CEP112: variants seen among roughly 807,000 people sequenced by gnomAD.
CEP112 encodes the protein centrosomal protein 112.
A neutral mutation model predicts 153.0 loss-of-function variants in CEP112; 127 were observed. That is an observed-to-expected ratio of 0.83 (90% CI 0.72 to 0.96). CEP112 has a LOEUF of 0.96. Ranked by LOEUF, CEP112 falls within the 40% of genes least tolerant of loss-of-function variation. The pLI is 0.00. For synonymous variants in CEP112, 358 were observed against 374.4 expected (o/e 0.96, Z 0.51); for missense variants, 1,089 against 1,101.2 (o/e 0.99, Z 0.16).
chr17:66,123,693 A>G (rs969964385), intron 6 of CEP112, among the ~76,000 whole-genome samples: 4 of 152,218 alleles, frequency 2.6e-5, no homozygotes, highest in African/African-American at 4.8e-5. Flanking sequence ...AAATTTCCCA[A>G]TGAAACCTAC....
intron 6 of CEP112, among the ~76,000 whole-genome samples, chr17:66,116,782 A>C (rs976011272): frequency 3.3e-5 from 5 of 151,968 alleles, no homozygotes; most frequent in African/African-American, 1.2e-4. Context: ...TTTGTTCTGG[A>C]ACCATACTTT....
chr17:65,697,569 G>A (rs1329254721), intron 23 of CEP112, among the ~76,000 whole-genome samples: 1 of 151,872 alleles, frequency 6.6e-6, no homozygotes, highest in Non-Finnish European at 1.5e-5. Context: ...AAACGACTAG[G>A]ACAAAGCAAG....
chr17:65,757,939 T>G (rs1311707475), intron 21 of CEP112, among the ~76,000 whole-genome samples: 2 of 152,166 alleles, frequency 1.3e-5, no homozygotes, highest in Non-Finnish European at 2.9e-5. Context: ...AAACACAATT[T>G]TTAAACAACT....
chr17:66,163,156 T>C (rs939530684), intron 4 of CEP112, among the ~76,000 whole-genome samples: 3 of 152,154 alleles, frequency 2.0e-5, no homozygotes, highest in African/African-American at 7.2e-5. Context: ...AACTGTAATA[T>C]ACTATTTATT....
Position 66,022,094 on chromosome 17 carries a change from C to A in CEP112, c.1656+5407G>T, listed in dbSNP as rs559786936. On this transcript the variant is annotated intron_variant, in intron 16 of 26. Coordinates refer to ENST00000535342, the MANE Select transcript of CEP112 (RefSeq NM_001199165.4). ...TCTCAGGAGGCTGTGAGCCTGCTTA[C>A]CTTCCAGGTACACCACTACTACAAC... 1.8e-4 allele frequency among the ~76,000 whole-genome samples: 28 copies of A among 152,250 alleles called. No homozygotes were observed. The South Asian group carries it at 3.9e-3, about 21-fold the overall frequency.
chr17:65,969,158 T>C (rs1432719171), intron 17 of CEP112, among the ~76,000 whole-genome samples: 1 of 149,894 alleles, frequency 6.7e-6, no homozygotes, highest in East Asian at 2.0e-4. Flanking sequence ...CTCGGCTAAC[T>C]ACAACCTCTG....
At chr17:66,021,116 G>C (rs1429727021) in intron 16 of CEP112, among the ~76,000 whole-genome samples, 6 of 152,146 alleles carry the variant, frequency 3.9e-5, no homozygotes, top group African/African-American at 1.4e-4. Context: ...ATAACTAGGA[G>C]AGAGGCCAGG....
At chr17:65,776,219 G>C (rs928606851) in intron 21 of CEP112, among the ~76,000 whole-genome samples, 1 of 151,976 alleles carries the variant, frequency 6.6e-6, no homozygotes. Context: ...GTGCCTGACC[G>C]GCATAGCTGC....
intron 24 of CEP112, chr17:65,655,125 G>C (rs2045993907): frequency 1.4e-6 from 1 of 727,106 alleles, no homozygotes; most frequent in Non-Finnish European, 2.6e-6. Flanking sequence ...AAGCCATGGA[G>C]ATGGGAGATA....
intron 15 of CEP112, 115 bp downstream of exon 15, chr17:66,028,198 G>C (rs1324974392): frequency 8.0e-6 from 5 of 627,192 alleles, no homozygotes; most frequent in Non-Finnish European, 1.4e-5. Context: ...AAAAGAATCA[G>C]AAAAGATGAC....
At chr17:66,150,808 T>C (rs1392499821) in intron 4 of CEP112, among the ~76,000 whole-genome samples, 1 of 152,274 alleles carries the variant, frequency 6.6e-6, no homozygotes, top group African/African-American at 2.4e-5. Flanking sequence ...ATAATGTTTA[T>C]GCATTTGTCT....
At chr17:65,665,951 C>T (rs1351868660) in intron 24 of CEP112, among the ~76,000 whole-genome samples, 5 of 152,196 alleles carry the variant, frequency 3.3e-5, no homozygotes, top group Admixed American at 2.0e-4. Context: ...GGTACTGACA[C>T]CTGCCCCAGC....
chr17:65,723,651 G>C (rs765991601), intron 23 of CEP112, among the ~76,000 whole-genome samples: 2 of 152,184 alleles, frequency 1.3e-5, no homozygotes, highest in Non-Finnish European at 2.9e-5. Context: ...TTGTCTCTAA[G>C]AATGCTGCTG....
chr17:66,046,085 C>G (rs1197361489), intron 12 of CEP112, among the ~76,000 whole-genome samples: 1 of 151,978 alleles, frequency 6.6e-6, no homozygotes, highest in Non-Finnish European at 1.5e-5. Context: ...CTCTGTCGCC[C>G]AGGCTGAAGT....
At chr17:65,687,594 T>A (rs888175546) in intron 24 of CEP112, among the ~76,000 whole-genome samples, 2 of 152,246 alleles carry the variant, frequency 1.3e-5, no homozygotes, top group Non-Finnish European at 2.9e-5. Flanking sequence ...ACATGATATG[T>A]ACATACATAT....
chr17:66,030,627 TATTAAG>T (rs60846131), intron 12 of CEP112, among the ~76,000 whole-genome samples: 62,201 of 151,690 alleles, frequency 0.41, 14,187 homozygotes, highest in East Asian at 0.87. Context: ...TCTTCCACAG[TATTAAG>T]ATTATCACTC....
intron 12 of CEP112, among the ~76,000 whole-genome samples, chr17:66,044,688 G>T (rs895808298): frequency 4.6e-5 from 7 of 152,154 alleles, no homozygotes; most frequent in Non-Finnish European, 1.0e-4. Context: ...CTAAAAGTGA[G>T]GAACTGAATA....
chr17:65,943,080 T>A (rs2061551228), intron 18 of CEP112, among the ~76,000 whole-genome samples: 1 of 152,206 alleles, frequency 6.6e-6, no homozygotes, highest in South Asian at 2.1e-4. Context: ...AATATTTTCA[T>A]ATGTAGCTAG....
intron 23 of CEP112, among the ~76,000 whole-genome samples, chr17:65,712,022 C>T (rs1002168927): frequency 6.6e-6 from 1 of 152,184 alleles, no homozygotes. Flanking sequence ...GCACCTACTG[C>T]TCAGGTTAAT....
Sources: allele counts gnomAD v4.1 joint callset (sites outside exome capture counted in the v4.1 genomes callset), GRCh38; gene constraint gnomAD v4.1.1; transcripts MANE v1.5; gene names NCBI Gene and HGNC (gene_info 2026-07-23, HGNC 2026-07-21).